Variants in THSD7B observed in about 807,000 individuals in gnomAD.
The protein encoded by THSD7B is thrombospondin type 1 domain containing 7B.
THSD7B carries 138 observed loss-of-function variants against 213.6 expected under a neutral mutation model. The ratio of observed to expected loss-of-function variants is 0.65; its 90% confidence interval spans 0.56 to 0.74. The LOEUF (loss-of-function observed/expected upper bound fraction) is 0.74. Ranked by LOEUF, THSD7B falls within the 30% of genes least tolerant of loss-of-function variation. The pLI is 0.00. For synonymous variants in THSD7B, 742 were observed against 687.0 expected (o/e 1.08, Z -1.25); for missense variants, 1,931 against 1,991.5 (o/e 0.97, Z 0.58).
intron 10 of THSD7B, among the ~76,000 whole-genome samples, chr2:137,261,753 CAG>C (rs780087697): frequency 3.3e-5 from 5 of 152,140 alleles, no homozygotes; most frequent in Non-Finnish European, 5.9e-5. Flanking sequence ...TTTGTATTCA[CAG>C]AGTTATTTTC....
intron 1 of THSD7B, among the ~76,000 whole-genome samples, chr2:136,784,240 G>T (rs1681797202): frequency 6.6e-6 from 1 of 151,912 alleles, no homozygotes. Context: ...GTATTCTTCA[G>T]GGCAAAACAA....
At chr2:137,296,033 G>A (rs954852539) in intron 12 of THSD7B, among the ~76,000 whole-genome samples, 4 of 152,072 alleles carry the variant, frequency 2.6e-5, no homozygotes, top group African/African-American at 9.7e-5. Context: ...CTGTTAGAAG[G>A]TTAAAAGTCA....
chr2:137,296,723 T>C (rs1683472635), intron 12 of THSD7B, among the ~76,000 whole-genome samples: 2 of 152,152 alleles, frequency 1.3e-5, no homozygotes, highest in South Asian at 2.1e-4. Flanking sequence ...AACTCCCTTA[T>C]AATTATCATT....
At chr2:137,132,261 C>T (rs1688748094) in intron 5 of THSD7B, among the ~76,000 whole-genome samples, 1 of 151,190 alleles carries the variant, frequency 6.6e-6, no homozygotes, top group African/African-American at 2.4e-5. Context: ...AGTTGCTTAT[C>T]AGCTTAAGGA....
intron 13 of THSD7B, among the ~76,000 whole-genome samples, chr2:137,407,112 A>C (rs1686542604): frequency 6.6e-6 from 1 of 152,264 alleles, no homozygotes; most frequent in African/African-American, 2.4e-5. Flanking sequence ...TATTCATGAT[A>C]GTTTACACCT....
At chr2:137,426,655 A>C (rs1687061323) in intron 14 of THSD7B, among the ~76,000 whole-genome samples, 1 of 152,182 alleles carries the variant, frequency 6.6e-6, no homozygotes, top group Admixed American at 6.5e-5. Context: ...CACAAACTCA[A>C]AATAGTTTAA....
chr2:137,234,540 G>T (rs1057348397), intron 9 of THSD7B, among the ~76,000 whole-genome samples: 4 of 152,140 alleles, frequency 2.6e-5, no homozygotes, highest in Non-Finnish European at 5.9e-5. Context: ...ATGTGTATTT[G>T]CAAGTCGTAC....
chr2:137,573,461 G>T (rs1384681591), intron 17 of THSD7B, among the ~76,000 whole-genome samples: 1 of 151,854 alleles, frequency 6.6e-6, no homozygotes, highest in Non-Finnish European at 1.5e-5. Context: ...TTTGATATTT[G>T]TATAATTCTA....
chr2:137,466,289 T>C (rs1019050696), intron 15 of THSD7B, among the ~76,000 whole-genome samples: 18 of 152,166 alleles, frequency 1.2e-4, no homozygotes, highest in African/African-American at 4.3e-4. Context: ...CATCACACAC[T>C]TATTTTACTC....
intron 9 of THSD7B, among the ~76,000 whole-genome samples, chr2:137,235,344 A>G (rs1362970715): frequency 2.6e-5 from 4 of 152,338 alleles, no homozygotes; most frequent in African/African-American, 9.6e-5. Flanking sequence ...GAAAAATTTT[A>G]GCATGCCTGA....
At chr2:137,382,702 C>T (rs1685804273) in intron 12 of THSD7B, among the ~76,000 whole-genome samples, 1 of 152,154 alleles carries the variant, frequency 6.6e-6, no homozygotes, top group Admixed American at 6.5e-5. Flanking sequence ...AAGTGGGGCA[C>T]CTACTTAGAA....
In THSD7B at chr2:137,609,537, G is replaced by A. The variant is rs961093681; in HGVS notation, c.3424-6638G>A. 5.3e-5 allele frequency among the ~76,000 whole-genome samples: 8 copies of A among 152,326 alleles called. No homozygotes were observed. In the East Asian group the frequency reaches 1.2e-3, roughly 22 times the overall value. Reference sequence around the variant, plus strand: ...TGGAGCTCTCCAAGAACAACACAGAGGCCAGAGTGGTGAATGAGGTGTAGG... The same window carrying A: ...TGGAGCTCTCCAAGAACAACACAGAAGCCAGAGTGGTGAATGAGGTGTAGG... On this transcript the variant is annotated intron_variant, in intron 17 of 27. Coordinates refer to ENST00000409968, the MANE Select transcript of THSD7B (RefSeq NM_001316349.2).
intron 5 of THSD7B, among the ~76,000 whole-genome samples, chr2:137,154,214 C>G (rs985928495): frequency 4.1e-4 from 63 of 152,154 alleles, no homozygotes; most frequent in African/African-American, 1.4e-3. Flanking sequence ...TTCTTTTAAT[C>G]TCTACTTTTT....
chr2:136,813,214 G>A (rs1682412399), intron 1 of THSD7B, among the ~76,000 whole-genome samples: 1 of 152,128 alleles, frequency 6.6e-6, no homozygotes, highest in African/African-American at 2.4e-5. Context: ...GGCTACATCA[G>A]TTTGAAGGAA....
chr2:136,942,673 A>G (rs1684848909), intron 2 of THSD7B, among the ~76,000 whole-genome samples: 1 of 152,152 alleles, frequency 6.6e-6, no homozygotes, highest in Admixed American at 6.5e-5. Flanking sequence ...CTGTATAGGA[A>G]TGCTTGTGAT....
chr2:137,672,659 A>G (rs543577389), intron 27 of THSD7B, among the ~76,000 whole-genome samples: 1 of 152,302 alleles, frequency 6.6e-6, no homozygotes, highest in African/African-American at 2.4e-5. Context: ...TAGAGATTTT[A>G]TATTTTTGCC....
intron 17 of THSD7B, among the ~76,000 whole-genome samples, chr2:137,580,378 G>A (rs1573722019): frequency 2.6e-5 from 4 of 151,930 alleles, no homozygotes; most frequent in Non-Finnish European, 4.4e-5. Flanking sequence ...TGTTATATTG[G>A]TATTACAGGA....
At chr2:137,447,327 G>T (rs990502090) in intron 14 of THSD7B, among the ~76,000 whole-genome samples, 20 of 152,046 alleles carry the variant, frequency 1.3e-4, no homozygotes, top group African/African-American at 4.8e-4. Context: ...TTAACATAGG[G>T]TCTACATAGA....
chr2:137,166,254 G>A (rs370868926), intron 6 of THSD7B, among the ~76,000 whole-genome samples: 13 of 151,944 alleles, frequency 8.6e-5, no homozygotes, highest in African/African-American at 3.1e-4. Context: ...ATTGGGTCAG[G>A]TTTTATCATT....
Sources: gnomAD v4.1 joint callset for allele counts (sites outside exome capture counted in the v4.1 genomes callset) on GRCh38, gnomAD v4.1.1 for gene constraint, MANE v1.5 for transcripts, NCBI Gene and HGNC (gene_info 2026-07-23, HGNC 2026-07-21) for gene names.